Variants in AP3B1 observed in about 807,000 individuals in gnomAD.
AP3B1 encodes the protein adaptor related protein complex 3 subunit beta 1, also known as AP-3 complex subunit beta-1.
A neutral mutation model predicts 132.5 loss-of-function variants in AP3B1; 61 were observed. The observed-to-expected ratio is 0.46, with a 90% CI of 0.37 to 0.57. AP3B1 has a LOEUF of 0.57. Among genes scored for constraint, AP3B1 ranks in the 20% least tolerant of loss-of-function variants. The pLI is 0.00. For synonymous variants in AP3B1, 388 were observed against 438.3 expected, an observed-to-expected ratio of 0.89 and a Z score of 1.43; for missense variants, 1,120 against 1,289.4, an observed-to-expected ratio of 0.87 and a Z score of 2.01.
chr5:78,291,725 A>G (rs1185492612), intron 1 of AP3B1, among the ~76,000 whole-genome samples: 1 of 152,218 alleles, frequency 6.6e-6, no homozygotes, highest in Non-Finnish European at 1.5e-5. Flanking sequence ...AGAAGATTAA[A>G]GAGACATGGC....
At chr5:78,084,802 T>C (rs1482394655) in intron 22 of AP3B1, among the ~76,000 whole-genome samples, 1 of 152,108 alleles carries the variant, frequency 6.6e-6, no homozygotes. Flanking sequence ...CAGTTTCTTC[T>C]ACTCTTTCAA....
At chr5:78,005,638 C>T (rs1466137086) in intron 26 of AP3B1, among the ~76,000 whole-genome samples, 1 of 152,194 alleles carries the variant, frequency 6.6e-6, no homozygotes, top group East Asian at 1.9e-4. Context: ...TTAACTAGGT[C>T]TCTATGTTCT....
intron 20 of AP3B1, among the ~76,000 whole-genome samples, chr5:78,108,889 A>C (rs1751455305): frequency 6.6e-6 from 1 of 152,104 alleles, no homozygotes; most frequent in Admixed American, 6.5e-5. Flanking sequence ...ATAATTTTTC[A>C]ACTGTTACAA....
At chr5:78,124,121 TCTCA>T (rs1430967569) in intron 17 of AP3B1, among the ~76,000 whole-genome samples, 1 of 152,122 alleles carries the variant, frequency 6.6e-6, no homozygotes. Context: ...CACCACATGT[TCTCA>T]CTCATAGGTG....
intron 20 of AP3B1, among the ~76,000 whole-genome samples, chr5:78,102,472 G>A (rs138496877): frequency 2.6e-5 from 4 of 151,962 alleles, no homozygotes; most frequent in Non-Finnish European, 4.4e-5. Context: ...AAAAATGAAC[G>A]AAACAGTATT....
At chr5:78,250,904 C>CA (rs762025780) in intron 2 of AP3B1, among the ~76,000 whole-genome samples, 7 of 151,222 alleles carry the variant, frequency 4.6e-5, no homozygotes, top group African/African-American at 7.3e-5. Flanking sequence ...AATGCCAGCT[C>CA]AAAAAAAATC....
chr5:78,207,653 T>C (rs1361048833), intron 7 of AP3B1, among the ~76,000 whole-genome samples: 1 of 152,106 alleles, frequency 6.6e-6, no homozygotes, highest in Non-Finnish European at 1.5e-5. Flanking sequence ...TAACTCACGT[T>C]GAGATGTAAC....
intron 24 of AP3B1, among the ~76,000 whole-genome samples, chr5:78,023,623 T>A (rs10514134): frequency 0.072 from 10,932 of 151,996 alleles, 531 homozygotes; most frequent in Non-Finnish European, 0.11. Flanking sequence ...AAAGCGCAAA[T>A]CTGGTGAAGA....
intron 1 of AP3B1, among the ~76,000 whole-genome samples, chr5:78,279,142 A>T (rs185254521): frequency 2.0e-3 from 297 of 152,306 alleles, no homozygotes; most frequent in African/African-American, 6.5e-3. Flanking sequence ...TAATTTTTTT[A>T]AAAAATTTCT....
Position 78,015,310 on chromosome 5 carries a change from T to G in AP3B1, c.3131+100A>C, listed in dbSNP as rs1008232419. The stretch of plus-strand genomic sequence containing the variant: ...GGAGTGTGTGTATATATATATATGT[T>G]TAGGGGTTATTATTTCCAAAGAAAA... On this transcript the variant is annotated intron_variant, in intron 26 of 26. Transcript: ENST00000255194. The G allele has an allele frequency of 2.5e-4, 302 of 1,211,706 alleles. 1 individual carries two copies. Among genetic ancestry groups the G allele is most frequent in the Non-Finnish European group, 3.3e-4 (280 of 844,016 alleles). 75.1% of individuals were successfully genotyped at this position (1,211,706 alleles called of 1,614,324 possible).
rs115738419 is a variant in AP3B1 at position 78,291,978 on chromosome 5, C to T, written c.128+2474G>A. ...TTCAGAAGACATAATAACATGAATA[C>T]GTATATGTGCCTGAATATGCATGGG... On this transcript the variant is annotated intron_variant, in intron 1 of 26. Transcript: ENST00000255194. 6.5e-3 allele frequency among the ~76,000 whole-genome samples: 984 copies of T among 152,080 alleles called. 7 individuals carry two copies. Among genetic ancestry groups the T allele is most frequent in the African/African-American group, 0.022 (924 of 41,482 alleles).
intron 22 of AP3B1, among the ~76,000 whole-genome samples, chr5:78,085,377 C>T (rs1750196493): frequency 6.6e-6 from 1 of 152,044 alleles, no homozygotes; most frequent in African/African-American, 2.4e-5. Context: ...TATCATTTGT[C>T]CACTTTTAAA....
chr5:78,145,386 G>A (rs1753346150), intron 14 of AP3B1, among the ~76,000 whole-genome samples: 1 of 152,130 alleles, frequency 6.6e-6, no homozygotes, highest in South Asian at 2.1e-4. Context: ...AGACATATGA[G>A]GAAACTAGGT....
chr5:78,127,406 GATA>G (rs1482100465), intron 17 of AP3B1, among the ~76,000 whole-genome samples: 3 of 152,096 alleles, frequency 2.0e-5, no homozygotes, highest in Non-Finnish European at 2.9e-5. Flanking sequence ...GAAAGAAACA[GATA>G]ATATTAGAAA....
chr5:78,252,289 C>A (rs1465276464), intron 2 of AP3B1, among the ~76,000 whole-genome samples: 5 of 152,118 alleles, frequency 3.3e-5, no homozygotes, highest in Admixed American at 1.3e-4. Flanking sequence ...AAAACTCCTG[C>A]TTGAGAACAG....
chr5:78,003,652 G>A (rs1357407714), intron 26 of AP3B1, among the ~76,000 whole-genome samples: 6 of 152,188 alleles, frequency 3.9e-5, no homozygotes, highest in South Asian at 2.1e-4. Context: ...GCAACCTCAC[G>A]CTTCCCTTTT....
In AP3B1 at chr5:78,002,873, C is replaced by A. The variant is rs375163910; in HGVS notation, c.*29G>T. On this transcript the variant is annotated 3_prime_UTR_variant, in exon 27 of 27. Transcript: ENST00000255194. ...GGATGCCAGGCACTTTTGTTGTGTG[C>A]CAGATTCTAAAGTCCAGATGTAAGC... 1 of 1,614,080 alleles carries A rather than the reference C, an allele frequency of 6.2e-7. No homozygotes were observed.
intron 3 of AP3B1, among the ~76,000 whole-genome samples, chr5:78,234,199 C>A (rs1746777874): frequency 6.6e-6 from 1 of 152,078 alleles, no homozygotes; most frequent in Non-Finnish European, 1.5e-5. Context: ...ACTCTTTACA[C>A]TTTCTTGGTT....
In AP3B1 at chr5:78,216,125, C is replaced by A. The variant is rs869312837; in HGVS notation, c.716G>T (p.Trp239Leu). Residue 239 changes from tryptophan to leucine, a missense_variant, in exon 7 of 27, where the codon TGG becomes TTG. Physicochemically the swap from Trp to Leu is moderately conservative, Grantham distance 61 (BLOSUM62 -2). Coordinates refer to ENST00000255194, the MANE Select transcript of AP3B1 (RefSeq NM_003664.5). ...CATGTGGATTATGACAACCTGCCCC[C>A]ACTCTTCAACATCCACTAGTAAGTT... ...LCNLLVDVEE[W>L]GQVVIIHMLT... The A allele has an allele frequency of 1.9e-6, 3 of 1,614,074 alleles. No homozygotes were observed. The highest frequency in any genetic ancestry group is 1.7e-6 in the Non-Finnish European group (2 of 1,179,936).
Sources: gnomAD v4.1 joint callset for allele counts (sites outside exome capture counted in the v4.1 genomes callset) on GRCh38, gnomAD v4.1.1 for gene constraint, MANE v1.5 for transcripts, NCBI Gene and HGNC (gene_info 2026-07-23, HGNC 2026-07-21) for gene names.